The following ARHGAP42 variants were observed in gnomAD, a reference collection of about 807,000 sequenced individuals.
The protein encoded by ARHGAP42 is rho GTPase-activating protein 42.
In ARHGAP42, 63 loss-of-function variants were observed where a neutral mutation model predicts 125.0. That is an observed-to-expected ratio of 0.50 (90% CI 0.41 to 0.62). The LOEUF is 0.62. Among genes scored for constraint, ARHGAP42 ranks in the 20% least tolerant of loss-of-function variants. ARHGAP42 has a pLI of 0.00. For synonymous variants in ARHGAP42, 339 were observed against 351.0 expected (o/e 0.97, Z 0.38); for missense variants, 766 against 1,024.2 (o/e 0.75, Z 3.44).
At chr11:100,855,144 A>G (rs1354143139) in intron 3 of ARHGAP42, among the ~76,000 whole-genome samples, 1 of 152,136 alleles carries the variant, frequency 6.6e-6, no homozygotes, top group Non-Finnish European at 1.5e-5. Context: ...TTTAAATAGT[A>G]CTTTAGAATA....
chr11:100,879,626 T>C (rs73571620), intron 4 of ARHGAP42, among the ~76,000 whole-genome samples: 1,828 of 152,286 alleles, frequency 0.012, 43 homozygotes, highest in African/African-American at 0.041. Context: ...CCCACATCCA[T>C]TATTTACAAC....
At chr11:100,970,535 A>G (rs1858212830) in intron 17 of ARHGAP42, among the ~76,000 whole-genome samples, 1 of 151,954 alleles carries the variant, frequency 6.6e-6, no homozygotes, top group Admixed American at 6.6e-5. Flanking sequence ...GTTTTTGACA[A>G]CACCCTGGAG....
At chr11:100,892,816 A>C (rs1289514067) in intron 4 of ARHGAP42, among the ~76,000 whole-genome samples, 1 of 152,182 alleles carries the variant, frequency 6.6e-6, no homozygotes, top group East Asian at 1.9e-4. Flanking sequence ...ACTTGGTCAC[A>C]TTCATTAATT....
chr11:100,983,743 T>TACTTAGATTAC (rs1858602584), intron 22 of ARHGAP42, among the ~76,000 whole-genome samples: 1 of 152,232 alleles, frequency 6.6e-6, no homozygotes, highest in Non-Finnish European at 1.5e-5. Flanking sequence ...GGTGGAAGTT[T>TACTTAGATTAC]TTAGCATTGA....
At chr11:100,750,981 C>T (rs1862436743) in intron 1 of ARHGAP42, among the ~76,000 whole-genome samples, 1 of 148,836 alleles carries the variant, frequency 6.7e-6, no homozygotes, top group African/African-American at 2.5e-5. Flanking sequence ...TCTTGTCACC[C>T]AGGCTGGAGT....
intron 4 of ARHGAP42, among the ~76,000 whole-genome samples, chr11:100,905,399 C>T (rs1355679629): frequency 2.0e-5 from 3 of 152,080 alleles, no homozygotes; most frequent in Admixed American, 2.0e-4. Context: ...AATTAACTTC[C>T]ACCTATGGAA....
chr11:100,687,920 GCTT>G, intron 1 of ARHGAP42, 88 bp downstream of exon 1: 21 of 1,395,250 alleles, frequency 1.5e-5, no homozygotes, highest in East Asian at 2.7e-5. Flanking sequence ...AGGAGTCGGA[GCTT>G]CTTTTGTTTG....
intron 8 of ARHGAP42, among the ~76,000 whole-genome samples, chr11:100,937,230 A>G (rs1355324680): frequency 2.0e-5 from 3 of 152,162 alleles, no homozygotes; most frequent in East Asian, 3.9e-4. Flanking sequence ...TTTCTCTCTC[A>G]TAACTACCTA....
chr11:100,846,738 G>T (rs573566546), intron 3 of ARHGAP42, among the ~76,000 whole-genome samples: 4 of 152,238 alleles, frequency 2.6e-5, no homozygotes, highest in African/African-American at 9.6e-5. Context: ...TATCCTGTGG[G>T]AGTTTGAAGA....
chr11:100,869,850 C>T (rs894882378), intron 4 of ARHGAP42, among the ~76,000 whole-genome samples: 3 of 152,222 alleles, frequency 2.0e-5, no homozygotes, highest in Middle Eastern at 3.4e-3. Flanking sequence ...TTTTACCCTC[C>T]TAATGATTCC....
chr11:100,869,278 A>G (rs1453412772), intron 4 of ARHGAP42, among the ~76,000 whole-genome samples: 2 of 152,144 alleles, frequency 1.3e-5, no homozygotes, highest in African/African-American at 2.4e-5. Flanking sequence ...ATGAAGGGGC[A>G]TTGCCAGCCA....
At chr11:100,889,265 G>A (rs1353168062) in intron 4 of ARHGAP42, among the ~76,000 whole-genome samples, 1 of 152,176 alleles carries the variant, frequency 6.6e-6, no homozygotes, top group African/African-American at 2.4e-5. Flanking sequence ...ATGCAGTAAT[G>A]TTGACAGGTG....
chr11:100,921,237 ATATATATATTTTTTTTTTT>A lies in ARHGAP42; in HGVS notation c.487-255_487-237del, dbSNP rs1350474769. On this transcript the variant is annotated intron_variant, in intron 5 of 23. Coordinates refer to ENST00000298815, the MANE Select transcript of ARHGAP42 (RefSeq NM_152432.4). ...TACATATATATATATATATATATAT[ATATATATATTTTTTTTTTT>A]TTTTTTTTTTTTTTTTTACTGCAAT... Among the ~76,000 whole-genome samples, 24 of 28,676 alleles carry A rather than the reference ATATATATATTTTTTTTTTT, an allele frequency of 8.4e-4. No individual in the cohort carries two copies. In the East Asian group the frequency reaches 0.01, roughly 12 times the overall value. The allele number at this position is 28,676 out of a possible 152,430, so 18.8% of individuals were successfully genotyped here. A position where few individuals can be genotyped will look rare whatever the true frequency, so the allele number is the denominator to read the frequency against.
intron 4 of ARHGAP42, among the ~76,000 whole-genome samples, chr11:100,873,769 C>G (rs1865751236): frequency 6.6e-6 from 1 of 152,116 alleles, no homozygotes; most frequent in Non-Finnish European, 1.5e-5. Context: ...AACTGAGCCA[C>G]AGAAAGGGCA....
At chr11:100,965,606 A>G in intron 16 of ARHGAP42, 65 bp from the exon 17 acceptor site, 1 of 1,301,246 alleles carries the variant, frequency 7.7e-7, no homozygotes, top group Non-Finnish European at 1.1e-6. Flanking sequence ...TTAGATTACT[A>G]ATGTTTACAT....
At chr11:100,951,686 C>T (rs972134449) in intron 12 of ARHGAP42, among the ~76,000 whole-genome samples, 5 of 152,158 alleles carry the variant, frequency 3.3e-5, no homozygotes, top group Non-Finnish European at 7.4e-5. Flanking sequence ...TCTGCATCTT[C>T]ATGCAGTACA....
At chr11:100,950,100 G>C (rs1307635868) in intron 12 of ARHGAP42, 144 bp downstream of exon 12, 1 of 393,704 alleles carries the variant, frequency 2.5e-6, no homozygotes, top group Non-Finnish European at 4.3e-6. Flanking sequence ...TATTTAAAAT[G>C]TTTCTCATGT....
intron 5 of ARHGAP42, among the ~76,000 whole-genome samples, chr11:100,918,241 A>G (rs771974608): frequency 6.6e-6 from 1 of 152,100 alleles, no homozygotes; most frequent in Non-Finnish European, 1.5e-5. Flanking sequence ...TCCTGACTCT[A>G]TCACATCACT....
At chr11:100,829,636 T>A (rs1340261438) in intron 3 of ARHGAP42, among the ~76,000 whole-genome samples, 1 of 152,214 alleles carries the variant, frequency 6.6e-6, no homozygotes, top group African/African-American at 2.4e-5. Context: ...GAAATTACCC[T>A]TTTTCATATT....
Sources: gnomAD v4.1 joint callset for allele counts (sites outside exome capture counted in the v4.1 genomes callset) on GRCh38, gnomAD v4.1.1 for gene constraint, MANE v1.5 for transcripts, NCBI Gene and HGNC (gene_info 2026-07-23, HGNC 2026-07-21) for gene names.